The following CLVS1 variants were observed in gnomAD, a reference collection of about 807,000 sequenced individuals.
CLVS1 encodes the protein clavesin-1.
A neutral mutation model predicts 33.1 loss-of-function variants in CLVS1; 10 were observed. The ratio of observed to expected loss-of-function variants is 0.30; its 90% CI spans 0.19 to 0.51. The LOEUF is 0.51. CLVS1 is among the 20% of genes least tolerant of loss of function. The probability of loss-of-function intolerance (pLI) is 0.97; values close to 1 mark genes in which losing one functional copy is unlikely to be tolerated. For synonymous variants in CLVS1, 163 were observed against 166.1 expected, an observed-to-expected ratio of 0.98 and a Z score of 0.14; for missense variants, 343 against 433.4, an observed-to-expected ratio of 0.79 and a Z score of 1.85.
chr8:61,407,971 A>G (rs529167575), intron 3 of CLVS1, among the ~76,000 whole-genome samples: 9 of 152,312 alleles, frequency 5.9e-5, no homozygotes, highest in African/African-American at 2.2e-4. Context: ...TTTTGTGTAC[A>G]AAACTCATCA....
In CLVS1 at chr8:61,492,465, T is replaced by G. The variant is rs192710978; in HGVS notation, c.978-6990T>G. Among the ~76,000 whole-genome samples, 375 of 152,294 alleles carry G rather than the reference T, an allele frequency of 2.5e-3. 1 individual carries two copies. Among genetic ancestry groups the G allele is most frequent in the African/African-American group, 7.4e-3 (307 of 41,568 alleles). Reference sequence around the variant, plus strand: ...GTGGTCAGGGCTGTATACCGGACAGTGCAGCTCTTCATGAAAGCCACGCAC... The same window carrying G: ...GTGGTCAGGGCTGTATACCGGACAGGGCAGCTCTTCATGAAAGCCACGCAC... On this transcript the variant is annotated intron_variant, in intron 5 of 5. Transcript: ENST00000325897.
chr8:61,395,665 G>T (rs766046207), intron 3 of CLVS1, among the ~76,000 whole-genome samples: 3 of 152,152 alleles, frequency 2.0e-5, no homozygotes, highest in Non-Finnish European at 4.4e-5. Context: ...TGATTCTGTA[G>T]TGTTGGGGTG....
At chr8:61,072,797 A>G (rs1487521999) in intron 1 of CLVS1, among the ~76,000 whole-genome samples, 1 of 152,240 alleles carries the variant, frequency 6.6e-6, no homozygotes, top group East Asian at 1.9e-4. Flanking sequence ...TGTTTGCTAG[A>G]GAACAAACCA....
chr8:61,025,992 C>T, the CLVS1 span, among the ~76,000 whole-genome samples: 6 of 152,180 alleles, frequency 3.9e-5, no homozygotes, highest in Non-Finnish European at 8.8e-5. Context: ...CAAAACACCT[C>T]CAGGAAGATG....
intron 1 of CLVS1, among the ~76,000 whole-genome samples, chr8:61,083,682 C>T (rs13280103): frequency 0.56 from 84,648 of 151,752 alleles, 26,424 homozygotes; most frequent in African/African-American, 0.84. Flanking sequence ...ATGGCCATTA[C>T]TGAGTAGCAA....
At chr8:61,290,156 G>A (rs987153509) in intron 1 of CLVS1, among the ~76,000 whole-genome samples, 4 of 152,200 alleles carry the variant, frequency 2.6e-5, no homozygotes, top group African/African-American at 9.7e-5. Context: ...CAGGAATCCA[G>A]TGCCTCTAGA....
intron 2 of CLVS1, among the ~76,000 whole-genome samples, chr8:61,336,954 A>G (rs1190087918): frequency 6.6e-6 from 1 of 152,360 alleles, no homozygotes; most frequent in South Asian, 2.1e-4. Context: ...AAAAGAGCCA[A>G]TTGGGAAACA....
At chr8:61,172,484 C>T (rs962611591) in intron 2 of CLVS1, among the ~76,000 whole-genome samples, 1 of 151,954 alleles carries the variant, frequency 6.6e-6, no homozygotes, top group African/African-American at 2.4e-5. Context: ...ATGTAATGCA[C>T]ATGTATTATT....
chr8:61,487,512 C>T (rs769021206), intron 5 of CLVS1, among the ~76,000 whole-genome samples: 1 of 152,198 alleles, frequency 6.6e-6, no homozygotes, highest in Non-Finnish European at 1.5e-5. Flanking sequence ...TGTATTCACT[C>T]ATTCATTCTT....
intron 1 of CLVS1, among the ~76,000 whole-genome samples, chr8:61,111,186 TAA>T (rs1165598022): frequency 2.0e-5 from 3 of 152,306 alleles, no homozygotes; most frequent in African/African-American, 7.2e-5. Flanking sequence ...CAATGACGCT[TAA>T]GAGAGTGTTT....
rs569527851 is a variant in CLVS1, at chr8:61,469,210, A to G, written c.977+10668A>G. Among the ~76,000 whole-genome samples, 3 of 152,330 alleles carry G rather than the reference A, an allele frequency of 2.0e-5. No homozygotes were observed. In the East Asian group the frequency reaches 5.8e-4, roughly 29 times the overall value. ...GTCAGCAAAGCACCTCCATGCAAAAAGTGACAATATTACACCATCTGTGCA... is the reference window on the plus strand; with the variant it reads ...GTCAGCAAAGCACCTCCATGCAAAAGGTGACAATATTACACCATCTGTGCA... On this transcript the variant is annotated intron_variant, in intron 5 of 5. Transcript: ENST00000325897.
intron 2 of CLVS1, among the ~76,000 whole-genome samples, chr8:61,223,158 G>C (rs530975038): frequency 6.6e-6 from 1 of 152,032 alleles, no homozygotes; most frequent in Non-Finnish European, 1.5e-5. Context: ...CTTTTAATTG[G>C]AGAATTTAGC....
chr8:61,007,855 A>G, the CLVS1 span, among the ~76,000 whole-genome samples: 1 of 152,178 alleles, frequency 6.6e-6, no homozygotes, highest in Non-Finnish European at 1.5e-5. Context: ...TGGCAGGGCC[A>G]TGCGCTCGGA....
intron 1 of CLVS1, among the ~76,000 whole-genome samples, chr8:61,125,948 G>A (rs1805960567): frequency 7.5e-6 from 1 of 134,092 alleles, no homozygotes; most frequent in African/African-American, 3.0e-5. Flanking sequence ...ACGGAATAGA[G>A]CCTTTTTTAA....
intron 3 of CLVS1, among the ~76,000 whole-genome samples, chr8:61,399,810 G>A (rs1182394281): frequency 6.6e-6 from 1 of 152,098 alleles, no homozygotes; most frequent in African/African-American, 2.4e-5. Context: ...CCCATTGCTT[G>A]TCTTTGTCAA....
rs1815150070 is a variant in CLVS1, at chr8:61,409,891, T to A, written c.630+33112T>A. ...TCTAATTATGATTGAGATGGATCATTTTTTCATGTTTAAGTGGAATTTGTA... is the reference window on the plus strand; with the variant it reads ...TCTAATTATGATTGAGATGGATCATATTTTCATGTTTAAGTGGAATTTGTA... On this transcript the variant is annotated intron_variant, in intron 3 of 5. Transcript: ENST00000325897. Among the ~76,000 whole-genome samples the A allele has an allele frequency of 2.6e-5, 4 of 152,144 alleles. No homozygotes were observed. In the South Asian group the frequency reaches 8.3e-4, roughly 31 times the overall value.
chr8:60,965,012 G>A, the CLVS1 span, among the ~76,000 whole-genome samples: 1 of 152,270 alleles, frequency 6.6e-6, no homozygotes, highest in East Asian at 1.9e-4. Context: ...TAGCTTCATA[G>A]ATTCATGGGA....
chr8:61,260,725 T>A (rs956530389), intron 2 of CLVS1, among the ~76,000 whole-genome samples: 16 of 152,186 alleles, frequency 1.1e-4, no homozygotes, highest in Non-Finnish European at 1.9e-4. Flanking sequence ...AGGGCCCAAG[T>A]CCTGTGCTGA....
intron 2 of CLVS1, among the ~76,000 whole-genome samples, chr8:61,186,231 T>C (rs1388100264): frequency 6.6e-6 from 1 of 152,088 alleles, no homozygotes; most frequent in African/African-American, 2.4e-5. Context: ...TAAGGGCAAA[T>C]GGGAAAAAGG....
Sources: gnomAD v4.1 joint callset for allele counts (sites outside exome capture counted in the v4.1 genomes callset) on GRCh38, gnomAD v4.1.1 for gene constraint, MANE v1.5 for transcripts, NCBI Gene and HGNC (gene_info 2026-07-23, HGNC 2026-07-21) for gene names.